The following KIF13A variants were observed in gnomAD, a reference collection of about 807,000 sequenced individuals.
KIF13A encodes kinesin family member 13A.
A neutral mutation model predicts 212.2 loss-of-function variants in KIF13A; 79 were observed. The ratio of observed to expected loss-of-function variants is 0.37; its 90% confidence interval spans 0.31 to 0.45. The LOEUF is 0.45. KIF13A is among the 20% of genes least tolerant of loss of function. The probability of loss-of-function intolerance (pLI) is 1.00; values close to 1 mark genes in which losing one functional copy is unlikely to be tolerated. For missense variants in KIF13A, 1,901 were observed against 2,209.0 expected (o/e 0.86, Z 2.79); for synonymous variants, 789 against 808.6 (o/e 0.98, Z 0.41).
intron 22 of KIF13A, among the ~76,000 whole-genome samples, chr6:17,798,548 A>T (rs1240731498): frequency 1.3e-5 from 2 of 152,198 alleles, no homozygotes; most frequent in African/African-American, 4.8e-5. Context: ...TCGTTTTCTA[A>T]GTGTAGAACC....
At chr6:17,813,487 C>A (rs1763615798) in intron 17 of KIF13A, among the ~76,000 whole-genome samples, 1 of 152,032 alleles carries the variant, frequency 6.6e-6, no homozygotes, top group South Asian at 2.1e-4. Flanking sequence ...GAGTGAAACT[C>A]CATCTCAGAA....
Position 17,854,020 on chromosome 6 carries a change from A to G in KIF13A, c.494+1417T>C, listed in dbSNP as rs1017573982. Among the ~76,000 whole-genome samples, 3 of 152,202 alleles carry G rather than the reference A, an allele frequency of 2.0e-5. No individual in the cohort carries two copies. In the South Asian group the frequency reaches 6.2e-4, roughly 31 times the overall value. On this transcript the variant is annotated intron_variant, in intron 6 of 38. Coordinates refer to ENST00000259711, the MANE Select transcript of KIF13A (RefSeq NM_022113.6). The stretch of plus-strand genomic sequence containing the variant: ...ACTCTTTATGCCTTACAGGTGTTAT[A>G]AATGTTATTTTGTATGCATTAAATA...
At chr6:17,845,419 T>C (rs1581502279) in intron 9 of KIF13A, among the ~76,000 whole-genome samples, 1 of 152,230 alleles carries the variant, frequency 6.6e-6, no homozygotes, top group African/African-American at 2.4e-5. Flanking sequence ...TGAATTTCTA[T>C]AGAACAAGTG....
At chr6:17,808,624 T>C (rs1362182043) in intron 18 of KIF13A, 144 bp downstream of exon 18, 4 of 691,834 alleles carry the variant, frequency 5.8e-6, no homozygotes, top group South Asian at 2.4e-5. Context: ...CAATGAGGTA[T>C]ATAAAGAATG....
At chr6:17,852,167 C>T in intron 6 of KIF13A, 125 bp from the exon 7 acceptor site, 1 of 449,334 alleles carries the variant, frequency 2.2e-6, no homozygotes, top group Non-Finnish European at 4.0e-6. Flanking sequence ...CTCCCCCCAA[C>T]AAATCTAAAA....
At position 17,855,667 on chromosome 6, in the gene KIF13A, G is replaced by T; in HGVS notation, c.314-50C>A. 1 of 1,423,462 alleles carries T rather than the reference G, an allele frequency of 7.0e-7. No homozygotes were observed. Among genetic ancestry groups the T allele is most frequent in the Non-Finnish European group, 9.6e-7 (1 of 1,044,644 alleles). The allele number at this position is 1,423,462 out of a possible 1,614,324, so 88.2% of individuals were successfully genotyped here. On this transcript the variant is annotated intron_variant, in intron 5 of 38. Coordinates refer to ENST00000259711, the MANE Select transcript of KIF13A (RefSeq NM_022113.6). This position sits in a 1 kb window ranked among gnomAD's most constrained non-coding sequence, Gnocchi z 4.1. ...GAACAGGTAGAGGAGGGAGCAAAAT[G>T]CAATGCTTCAACCATACAAGGTTTC...
intron 2 of KIF13A, among the ~76,000 whole-genome samples, chr6:17,975,348 G>C (rs912264044): frequency 6.6e-6 from 1 of 152,138 alleles, no homozygotes; most frequent in African/African-American, 2.4e-5. Flanking sequence ...CTAACTTCAA[G>C]AATGAAGCTG....
chr6:17,833,567 T>C (rs932359167), intron 12 of KIF13A, among the ~76,000 whole-genome samples: 2 of 149,944 alleles, frequency 1.3e-5, no homozygotes, highest in Non-Finnish European at 3.0e-5. Flanking sequence ...CTTAAAAGAC[T>C]TTCTGAGGCT....
At chr6:17,923,128 G>C (rs919542666) in intron 2 of KIF13A, among the ~76,000 whole-genome samples, 7 of 151,768 alleles carry the variant, frequency 4.6e-5, no homozygotes, top group Admixed American at 3.9e-4. Context: ...ACAAAAATTA[G>C]CCAGGCATGG....
chr6:17,874,789 C>T (rs1192830251), intron 3 of KIF13A, among the ~76,000 whole-genome samples: 1 of 151,604 alleles, frequency 6.6e-6, no homozygotes, highest in Admixed American at 6.6e-5. Flanking sequence ...CCCTCAAATC[C>T]CCAAACTCCC....
chr6:17,875,095 C>T (rs1361534210), intron 3 of KIF13A, among the ~76,000 whole-genome samples: 1 of 151,562 alleles, frequency 6.6e-6, no homozygotes, highest in East Asian at 1.9e-4. Flanking sequence ...CGATTGTGAA[C>T]TGTGCCACTA....
At chr6:17,879,336 A>G (rs1770854911) in intron 3 of KIF13A, among the ~76,000 whole-genome samples, 1 of 152,126 alleles carries the variant, frequency 6.6e-6, no homozygotes, top group African/African-American at 2.4e-5. Context: ...TGTATGTAAT[A>G]TTTTTTCAAT....
chr6:17,896,157 C>G (rs116808086), intron 3 of KIF13A, among the ~76,000 whole-genome samples: 2,939 of 152,154 alleles, frequency 0.019, 42 homozygotes, highest in Non-Finnish European at 0.031. Context: ...ACTGTATTTT[C>G]TAACTGCGTT....
Position 17,764,537 on chromosome 6 carries a change from A to T in KIF13A, c.4991T>A (p.Ile1664Lys). ...GTTTTCCTTGAGTGGCACCACAATT[A>T]TCTTGTCCTTTACCAAGCCTTTTTC... ...EVEKGLVKDK[I>K]IVVPLKENSA... The change falls in exon 39 of 39, where the codon ATA (isoleucine) becomes AAA (lysine). Residue 1664 changes from isoleucine (I) to lysine (K), a missense_variant. Coordinates refer to ENST00000259711, the MANE Select transcript of KIF13A (RefSeq NM_022113.6). This position sits in a 1 kb window ranked among gnomAD's most constrained non-coding sequence, Gnocchi z 5.1. 6.2e-7 allele frequency: 1 copy of T among 1,613,904 alleles called. No homozygotes were observed. Among genetic ancestry groups the T allele is most frequent in the Non-Finnish European group, 8.5e-7 (1 of 1,179,864 alleles).
At chr6:17,923,997 G>A (rs1259180780) in intron 2 of KIF13A, among the ~76,000 whole-genome samples, 1 of 151,954 alleles carries the variant, frequency 6.6e-6, no homozygotes, top group Non-Finnish European at 1.5e-5. Context: ...CCGACACATG[G>A]AAGAGCTAAA....
chr6:17,789,835 G>A lies in KIF13A; in HGVS notation c.3261+37C>T, dbSNP rs753466597. On this transcript the variant is annotated intron_variant, in intron 26 of 38. Coordinates refer to ENST00000259711, the MANE Select transcript of KIF13A (RefSeq NM_022113.6). The surrounding 1 kb of genome is among the most constrained non-coding windows in gnomAD (Gnocchi z 4.8). ...CGAATGCTGGCAATTAGCAGTAGCTGTGCCCCATGCCACAGGATTGACAGC... is the reference window on the plus strand; with the variant it reads ...CGAATGCTGGCAATTAGCAGTAGCTATGCCCCATGCCACAGGATTGACAGC... The A allele has an allele frequency of 1.9e-6, 3 of 1,589,576 alleles. No homozygotes were observed. The highest frequency in any genetic ancestry group is 3.4e-5 in the Admixed American group (2 of 59,178).
intron 20 of KIF13A, 26 bp downstream of exon 20, chr6:17,804,335 G>A (rs1762745725): frequency 3.4e-6 from 5 of 1,468,766 alleles, no homozygotes; most frequent in South Asian, 2.8e-5. Context: ...AACCACCATC[G>A]TTCTCCAAGG....
intron 2 of KIF13A, among the ~76,000 whole-genome samples, chr6:17,920,898 T>C (rs967331417): frequency 2.1e-4 from 32 of 150,740 alleles, no homozygotes; most frequent in Admixed American, 1.9e-3. Flanking sequence ...AAAAGTAATA[T>C]GCATTGCTTA....
intron 14 of KIF13A, among the ~76,000 whole-genome samples, chr6:17,827,865 C>A (rs1228599278): frequency 6.6e-6 from 1 of 152,050 alleles, no homozygotes; most frequent in East Asian, 1.9e-4. Context: ...TGGAGGTGGA[C>A]AAGATAACTA....
Sources: allele counts gnomAD v4.1 joint callset (sites outside exome capture counted in the v4.1 genomes callset), GRCh38; gene constraint gnomAD v4.1.1; non-coding constraint Gnocchi (gnomAD v3.1); transcripts MANE v1.5; gene names NCBI Gene and HGNC (gene_info 2026-07-23, HGNC 2026-07-21).